Variants in AGO2 observed in about 807,000 individuals in gnomAD.
AGO2 encodes protein argonaute-2.
Under a neutral mutation model 102.3 loss-of-function variants are expected in AGO2, and 5 were observed. The ratio of observed to expected loss-of-function variants is 0.05; its 90% CI spans 0.03 to 0.10. AGO2 has a LOEUF of 0.10. Ranked by LOEUF, AGO2 falls within the 10% of genes least tolerant of loss-of-function variation. AGO2 has a pLI of 1.00. For synonymous variants in AGO2, 449 were observed against 473.1 expected (o/e 0.95, Z 0.66); for missense variants, 541 against 1,183.7 (o/e 0.46, Z 7.97).
Position 140,585,193 on chromosome 8 carries a change from C to T in AGO2, c.141G>A (p.Met47Ile). 6.2e-7 allele frequency: 1 copy of T among 1,614,172 alleles called. No individual in the cohort carries two copies. The highest frequency in any genetic ancestry group is 1.1e-5 in the South Asian group (1 of 91,078). Reference protein sequence around the residue: ...TIKLQANFFEMDIPKIDIYHY... With the variant: ...TIKLQANFFEIDIPKIDIYHY... ...GATAGATGTCAATTTTGGGGATGTC[C>T]ATTTCGAAGAAATTGGCCTGTAATT... Residue 47 changes from methionine to isoleucine, a missense_variant, in exon 2 of 19, where the codon ATG becomes ATA. Transcript: ENST00000220592.
intron 1 of AGO2, chr8:140,593,134 C>T (rs1333422453): frequency 6.6e-6 from 1 of 152,146 alleles, no homozygotes; most frequent in Non-Finnish European, 1.5e-5. Flanking sequence ...AGAATCTGAC[C>T]TACCTAACAC....
At chr8:140,561,580 G>A (rs1202606574) in intron 4 of AGO2, among the ~76,000 whole-genome samples, 1 of 152,218 alleles carries the variant, frequency 6.6e-6, no homozygotes, top group African/African-American at 2.4e-5. Context: ...ACACGTGGGG[G>A]AAGGTGTGTT....
intron 2 of AGO2, among the ~76,000 whole-genome samples, chr8:140,576,093 A>C (rs1478145607): frequency 6.6e-6 from 1 of 152,174 alleles, no homozygotes; most frequent in Non-Finnish European, 1.5e-5. Flanking sequence ...CAGGCGGATC[A>C]CTTGGGATCA....
At chr8:140,599,888 A>C (rs895161710) in intron 1 of AGO2, among the ~76,000 whole-genome samples, 4 of 152,094 alleles carry the variant, frequency 2.6e-5, no homozygotes, top group African/African-American at 9.7e-5. Flanking sequence ...CACCTGGCTG[A>C]TTTTTGTATT....
chr8:140,559,635 A>T (rs1414746579), intron 5 of AGO2, 106 bp from the exon 6 acceptor site: 10 of 1,458,982 alleles, frequency 6.9e-6, no homozygotes, highest in Non-Finnish European at 9.2e-6. Flanking sequence ...TGGTGGGGAC[A>T]CCCGGCCGGG....
intron 13 of AGO2, among the ~76,000 whole-genome samples, chr8:140,546,420 C>T (rs1004961673): frequency 3.2e-4 from 48 of 152,232 alleles, no homozygotes; most frequent in African/African-American, 1.1e-3. Flanking sequence ...GAACGAGCCC[C>T]GCTGGGGTTC....
intron 1 of AGO2, among the ~76,000 whole-genome samples, chr8:140,601,182 C>G (rs377337450): frequency 6.6e-6 from 1 of 152,192 alleles, no homozygotes; most frequent in African/African-American, 2.4e-5. Context: ...CGAGGCTGTC[C>G]GGCCACAAGG....
Position 140,567,584 on chromosome 8 carries a change from C to T in AGO2, c.337-4950G>A, listed in dbSNP as rs1588464613. On this transcript the variant is annotated intron_variant, in intron 3 of 18. Transcript: ENST00000220592. This position sits in a 1 kb window ranked among gnomAD's most constrained non-coding sequence, Gnocchi z 5.0. The stretch of plus-strand genomic sequence containing the variant: ...CACTGGTGCCAATTGTGTTGCAGCG[C>T]TACAATCTGGGAGTGGCCCAACTGC... Among the ~76,000 whole-genome samples the T allele has an allele frequency of 6.6e-6, 1 of 152,352 alleles. No individual in the cohort carries two copies. Among genetic ancestry groups the T allele is most frequent in the South Asian group, 2.1e-4 (1 of 4,828 alleles).
At chr8:140,635,799 G>A (rs1283801661), upstream of AGO2, among the ~76,000 whole-genome samples, 12 of 143,772 alleles carry the variant, frequency 8.3e-5, no homozygotes, top group East Asian at 2.2e-3. Flanking sequence ...CGCGGCGGCG[G>A]CGGCGGCGGC....
rs2132875344 is a variant in AGO2 at position 140,540,075 on chromosome 8, A to C, written c.2035-621T>G. ...ACTGCACTCCAGACTGGAGACAGCG[A>C]GAGTCTTTCTCAAAAAAAACAAACA... On this transcript the variant is annotated intron_variant, in intron 15 of 18. Coordinates refer to ENST00000220592, the MANE Select transcript of AGO2 (RefSeq NM_012154.5). This position sits in a 1 kb window ranked among gnomAD's most constrained non-coding sequence, Gnocchi z 5.0. Among the ~76,000 whole-genome samples the C allele has an allele frequency of 6.6e-6, 1 of 152,296 alleles. No individual in the cohort carries two copies. The highest frequency in any genetic ancestry group is 2.1e-4 in the South Asian group (1 of 4,820).
intron 1 of AGO2, among the ~76,000 whole-genome samples, chr8:140,597,869 G>C (rs1011570049): frequency 1.3e-5 from 2 of 152,226 alleles, no homozygotes; most frequent in Admixed American, 1.3e-4. Context: ...GCACACGCCT[G>C]TTCCACTCAT....
At chr8:140,601,743 A>T (rs2073936506) in intron 1 of AGO2, among the ~76,000 whole-genome samples, 1 of 152,212 alleles carries the variant, frequency 6.6e-6, no homozygotes, top group Non-Finnish European at 1.5e-5. Context: ...ATAATACCTA[A>T]AACAAACACT....
rs865778797 is a variant in AGO2, at chr8:140,634,613, G to A, written c.22+872C>T. Among the ~76,000 whole-genome samples, 9 of 152,246 alleles carry A rather than the reference G, an allele frequency of 5.9e-5. No individual in the cohort carries two copies. In the East Asian group the frequency reaches 1.3e-3, roughly 23 times the overall value. ...CTGCATTTAAAAAGAAAAACAACGCGTTACCGCTTTAAGTTTTTTAGAACT... is the reference window on the plus strand; with the variant it reads ...CTGCATTTAAAAAGAAAAACAACGCATTACCGCTTTAAGTTTTTTAGAACT... On this transcript the variant is annotated intron_variant, in intron 1 of 18. Transcript: ENST00000220592.
intron 1 of AGO2, among the ~76,000 whole-genome samples, chr8:140,629,290 C>G (rs1311303791): frequency 6.6e-6 from 1 of 151,992 alleles, no homozygotes; most frequent in Non-Finnish European, 1.5e-5. Flanking sequence ...TCTCTTCTGT[C>G]CTGGGTCACT....
chr8:140,585,374 C>T (rs1564101167), intron 1 of AGO2, 63 bp from the exon 2 acceptor site: 1 of 1,542,352 alleles, frequency 6.5e-7, no homozygotes, highest in Non-Finnish European at 8.8e-7. Context: ...CCCTTCCCAT[C>T]CCGCGGCCCC....
the AGO2 span, among the ~76,000 whole-genome samples, chr8:140,641,188 G>T: frequency 1.3e-5 from 2 of 151,974 alleles, no homozygotes; most frequent in East Asian, 3.9e-4. Flanking sequence ...CTACTCAGGA[G>T]GCTAAGGTAG....
intron 3 of AGO2, among the ~76,000 whole-genome samples, chr8:140,563,632 C>T (rs1241678714): frequency 6.6e-6 from 1 of 152,226 alleles, no homozygotes; most frequent in Non-Finnish European, 1.5e-5. Context: ...GGGATCTGGA[C>T]CCCGAAGGCC....
At chr8:140,599,250 T>C (rs2073894241) in intron 1 of AGO2, among the ~76,000 whole-genome samples, 1 of 152,206 alleles carries the variant, frequency 6.6e-6, no homozygotes, top group African/African-American at 2.4e-5. Context: ...GTCCGTTATG[T>C]GGTGGCGTCG....
At chr8:140,587,311 A>G (rs1316550148) in intron 1 of AGO2, among the ~76,000 whole-genome samples, 1 of 152,248 alleles carries the variant, frequency 6.6e-6, no homozygotes, top group Non-Finnish European at 1.5e-5. Flanking sequence ...TCTAGCTTTC[A>G]ATAATGAAAA....
Sources: allele counts gnomAD v4.1 joint callset (sites outside exome capture counted in the v4.1 genomes callset), GRCh38; gene constraint gnomAD v4.1.1; non-coding constraint Gnocchi (gnomAD v3.1); transcripts MANE v1.5; gene names NCBI Gene and HGNC (gene_info 2026-07-23, HGNC 2026-07-21).